CDH13: variants seen among roughly 807,000 people sequenced by gnomAD.
CDH13 encodes cadherin-13.
A neutral mutation model predicts 63.8 loss-of-function variants in CDH13; 24 were observed. The observed-to-expected ratio is 0.38, with a 90% CI of 0.27 to 0.53. CDH13 has a LOEUF of 0.53. Among genes scored for constraint, CDH13 ranks in the 20% least tolerant of loss-of-function variants. The pLI is 0.85. For synonymous variants in CDH13, 503 were observed against 355.3 expected (o/e 1.42, Z -4.67); for missense variants, 1,049 against 903.1 (o/e 1.16, Z -2.07).
At chr16:83,083,759 C>A (rs374413652) in intron 3 of CDH13, among the ~76,000 whole-genome samples, 17 of 152,316 alleles carry the variant, frequency 1.1e-4, no homozygotes, top group African/African-American at 4.1e-4. Flanking sequence ...CTTTCTTACT[C>A]TTAGCAGCTC....
At chr16:83,014,774 ATG>A (rs1209787544) in intron 2 of CDH13, among the ~76,000 whole-genome samples, 3,529 of 36,102 alleles carry the variant, frequency 0.098, 426 homozygotes, top group South Asian at 0.17. Context: ...ATATATATAT[ATG>A]TATATATATA....
intron 3 of CDH13, among the ~76,000 whole-genome samples, chr16:83,111,179 A>G (rs1195652432): frequency 6.6e-6 from 1 of 152,120 alleles, no homozygotes; most frequent in Non-Finnish European, 1.5e-5. Context: ...CTCAAAAAAA[A>G]AAGAAAAAAA....
At chr16:83,037,587 A>G (rs1916976531) in intron 3 of CDH13, among the ~76,000 whole-genome samples, 1 of 152,186 alleles carries the variant, frequency 6.6e-6, no homozygotes, top group Non-Finnish European at 1.5e-5. Flanking sequence ...TCAGGAAAGA[A>G]ATGTTAGGGA....
At chr16:83,561,426 C>A (rs1442256701) in intron 7 of CDH13, among the ~76,000 whole-genome samples, 21 of 114,116 alleles carry the variant, frequency 1.8e-4, no homozygotes, top group South Asian at 3.2e-4. Context: ...AACACCATCT[C>A]AAAAAAAAAA....
intron 4 of CDH13, among the ~76,000 whole-genome samples, chr16:83,185,992 T>A (rs1344898638): frequency 6.6e-6 from 1 of 152,174 alleles, no homozygotes; most frequent in East Asian, 1.9e-4. Context: ...AAATTATACC[T>A]TAGAGGAGAT....
chr16:83,208,698 T>C (rs1311590232), intron 4 of CDH13, among the ~76,000 whole-genome samples: 1 of 152,218 alleles, frequency 6.6e-6, no homozygotes, highest in Admixed American at 6.5e-5. Flanking sequence ...TTCGCTTTGG[T>C]AGCCAGGAAG....
chr16:83,112,910 C>A (rs571690706), intron 3 of CDH13, among the ~76,000 whole-genome samples: 1 of 152,122 alleles, frequency 6.6e-6, no homozygotes, highest in Admixed American at 6.6e-5. Flanking sequence ...AACTTTAAGA[C>A]CGGCTTATAA....
At chr16:83,322,409 G>A (rs546245920) in intron 5 of CDH13, among the ~76,000 whole-genome samples, 14 of 152,284 alleles carry the variant, frequency 9.2e-5, no homozygotes, top group African/African-American at 3.1e-4. Context: ...AAACTAAAAC[G>A]AAAAGTTCTA....
At chr16:83,523,745 C>G (rs548353803) in intron 7 of CDH13, among the ~76,000 whole-genome samples, 37 of 152,296 alleles carry the variant, frequency 2.4e-4, no homozygotes, top group African/African-American at 8.9e-4. Flanking sequence ...TATATCTTCC[C>G]CATTCTGTGG....
At chr16:83,450,009 C>T (rs985250056) in intron 6 of CDH13, among the ~76,000 whole-genome samples, 58 of 152,284 alleles carry the variant, frequency 3.8e-4, no homozygotes, top group African/African-American at 1.3e-3. Flanking sequence ...GATAGTTCCC[C>T]CGCCCCGACC....
intron 6 of CDH13, among the ~76,000 whole-genome samples, chr16:83,469,300 T>C (rs4636895): frequency 0.52 from 78,395 of 152,008 alleles, 20,594 homozygotes; most frequent in East Asian, 0.84. Flanking sequence ...AGATGGCCAG[T>C]GTTGCTGTTT....
intron 7 of CDH13, among the ~76,000 whole-genome samples, chr16:83,571,356 C>T (rs1382452263): frequency 2.6e-5 from 4 of 152,054 alleles, no homozygotes; most frequent in African/African-American, 2.4e-5. Flanking sequence ...GAAGCTCTAA[C>T]GGTCTTCATT....
At chr16:82,806,298 C>G (rs1249669531) in intron 1 of CDH13, among the ~76,000 whole-genome samples, 1 of 152,180 alleles carries the variant, frequency 6.6e-6, no homozygotes, top group East Asian at 1.9e-4. Context: ...TTCTTTCCAG[C>G]CCAGGGAGTC....
intron 1 of CDH13, among the ~76,000 whole-genome samples, chr16:82,840,208 G>A (rs1454579617): frequency 1.3e-5 from 2 of 152,102 alleles, no homozygotes; most frequent in East Asian, 3.9e-4. Context: ...TGCTTTTAGT[G>A]GCAAGCAGGT....
At position 82,939,383 on chromosome 16, in the gene CDH13, A is replaced by G. The variant is rs983948862; in HGVS notation, c.157+80910A>G. ...GGTTGCAGTGAGCTGAGATGGCACC[A>G]TTGCACTCCAGCCTGGGTGACAGAG... On this transcript the variant is annotated intron_variant, in intron 2 of 13. Transcript: ENST00000567109. Among the ~76,000 whole-genome samples, 19 of 146,644 alleles carry G rather than the reference A, an allele frequency of 1.3e-4. 1 individual carries two copies. Among genetic ancestry groups the G allele is most frequent in the Non-Finnish European group, 4.5e-5 (3 of 66,404 alleles).
intron 10 of CDH13, among the ~76,000 whole-genome samples, chr16:83,735,113 G>C (rs1207392873): frequency 1.3e-5 from 2 of 152,074 alleles, no homozygotes; most frequent in Non-Finnish European, 2.9e-5. Context: ...TAATAGGCTA[G>C]TCTCACAGTG....
intron 3 of CDH13, among the ~76,000 whole-genome samples, chr16:83,045,224 C>T (rs1917667227): frequency 6.6e-6 from 1 of 152,132 alleles, no homozygotes; most frequent in Admixed American, 6.5e-5. Context: ...GGCAAGTAGA[C>T]AAGTCCTGTG....
intron 7 of CDH13, among the ~76,000 whole-genome samples, chr16:83,500,295 TCC>T (rs750806608): frequency 0.03 from 59 of 1,986 alleles, 11 homozygotes; most frequent in East Asian, 0.5. Context: ...CTTCTTCTTC[TCC>T]TTCTCCTTCT....
chr16:83,619,755 G>A (rs931917566), intron 8 of CDH13, among the ~76,000 whole-genome samples: 1 of 152,234 alleles, frequency 6.6e-6, no homozygotes, highest in Admixed American at 6.5e-5. Context: ...TAGCCTCGCT[G>A]TAACTTGATT....
Sources: allele counts gnomAD v4.1 joint callset (sites outside exome capture counted in the v4.1 genomes callset), GRCh38; gene constraint gnomAD v4.1.1; transcripts MANE v1.5; gene names NCBI Gene and HGNC (gene_info 2026-07-23, HGNC 2026-07-21).